The following CALCR variants were observed in gnomAD, a reference collection of about 807,000 sequenced individuals.
The protein encoded by CALCR is calcitonin receptor.
In CALCR, 47 loss-of-function variants were observed where a neutral mutation model predicts 59.5. That is an observed-to-expected ratio of 0.79 (90% CI 0.63 to 1.01). The LOEUF (loss-of-function observed/expected upper bound fraction) is 1.01. CALCR is among the 50% of genes least tolerant of loss of function. CALCR has a pLI of 0.00. For synonymous variants in CALCR, 213 were observed against 211.3 expected, an observed-to-expected ratio of 1.01 and a Z score of -0.07; for missense variants, 566 against 597.1, an observed-to-expected ratio of 0.95 and a Z score of 0.54.
At chr7:93,473,043 G>A (rs1239394361) in intron 5 of CALCR, among the ~76,000 whole-genome samples, 1 of 151,760 alleles carries the variant, frequency 6.6e-6, no homozygotes. Context: ...GATATATCAA[G>A]AGGCCATTTT....
At chr7:93,431,879 C>A (rs951549120) in intron 13 of CALCR, among the ~76,000 whole-genome samples, 2 of 152,166 alleles carry the variant, frequency 1.3e-5, no homozygotes, top group Non-Finnish European at 2.9e-5. Flanking sequence ...TTCTATGCTA[C>A]TTCTTGGAAA....
At chr7:93,498,188 C>T (rs1801250332) in intron 2 of CALCR, among the ~76,000 whole-genome samples, 1 of 151,640 alleles carries the variant, frequency 6.6e-6, no homozygotes, top group Non-Finnish European at 1.5e-5. Flanking sequence ...AATAAGTAGA[C>T]TTTACTTCGA....
At chr7:93,428,441 C>A (rs1318851850) in intron 13 of CALCR, among the ~76,000 whole-genome samples, 1 of 152,162 alleles carries the variant, frequency 6.6e-6, no homozygotes, top group Non-Finnish European at 1.5e-5. Context: ...CCATCAAATG[C>A]CCCATTGAGA....
intron 2 of CALCR, among the ~76,000 whole-genome samples, chr7:93,500,593 T>G (rs1187569246): frequency 1.3e-5 from 2 of 152,002 alleles, no homozygotes; most frequent in Non-Finnish European, 2.9e-5. Flanking sequence ...TATCTTTGTA[T>G]GTTTGTGTTT....
chr7:93,558,432 T>C (rs1459773388), intron 2 of CALCR, among the ~76,000 whole-genome samples: 1 of 152,076 alleles, frequency 6.6e-6, no homozygotes, highest in Non-Finnish European at 1.5e-5. Context: ...GAAAAAATAT[T>C]TCCTGGAACT....
At chr7:93,445,075 A>T (rs1799983526) in intron 8 of CALCR, among the ~76,000 whole-genome samples, 1 of 152,106 alleles carries the variant, frequency 6.6e-6, no homozygotes, top group African/African-American at 2.4e-5. Flanking sequence ...GAGAAGGCAG[A>T]TATGGCATTG....
At chr7:93,514,369 G>A (rs758793869) in intron 2 of CALCR, among the ~76,000 whole-genome samples, 26 of 151,922 alleles carry the variant, frequency 1.7e-4, no homozygotes, top group Admixed American at 8.5e-4. Context: ...TAATACTTTT[G>A]TAAAGGGCTA....
At chr7:93,565,795 G>T (rs1024581193) in intron 2 of CALCR, among the ~76,000 whole-genome samples, 1 of 152,168 alleles carries the variant, frequency 6.6e-6, no homozygotes, top group East Asian at 1.9e-4. Flanking sequence ...AATCTTGGGC[G>T]AAAGAAATTC....
chr7:93,522,681 A>G (rs1013845605), intron 2 of CALCR, among the ~76,000 whole-genome samples: 3 of 152,224 alleles, frequency 2.0e-5, no homozygotes, highest in African/African-American at 7.2e-5. Flanking sequence ...GCAAGATCAC[A>G]AAGCCAGTTC....
chr7:93,526,943 T>C (rs1481952023), intron 2 of CALCR, among the ~76,000 whole-genome samples: 1 of 152,062 alleles, frequency 6.6e-6, no homozygotes, highest in African/African-American at 2.4e-5. Flanking sequence ...TAACATAATA[T>C]AAAGTGAACC....
intron 2 of CALCR, among the ~76,000 whole-genome samples, chr7:93,520,611 C>T (rs1224158869): frequency 6.6e-6 from 1 of 151,976 alleles, no homozygotes; most frequent in Non-Finnish European, 1.5e-5. Flanking sequence ...GTAATAATTC[C>T]ATGTACAGCT....
At chr7:93,516,047 G>C (rs1163956534) in intron 2 of CALCR, among the ~76,000 whole-genome samples, 2 of 151,838 alleles carry the variant, frequency 1.3e-5, no homozygotes, top group African/African-American at 2.4e-5. Context: ...AAAATAATGT[G>C]TGTGCATAAT....
chr7:93,549,132 C>T (rs1387644768), intron 2 of CALCR, among the ~76,000 whole-genome samples: 1 of 152,050 alleles, frequency 6.6e-6, no homozygotes, highest in Non-Finnish European at 1.5e-5. Flanking sequence ...TGAAGGATGT[C>T]TAGTTGATCA....
At chr7:93,436,453 G>A (rs189286885) in intron 11 of CALCR, among the ~76,000 whole-genome samples, 19 of 152,252 alleles carry the variant, frequency 1.2e-4, no homozygotes, top group Non-Finnish European at 2.1e-4. Context: ...TTTCTATGGC[G>A]GGGGTGGTGG....
intron 2 of CALCR, among the ~76,000 whole-genome samples, chr7:93,492,188 T>G (rs543117306): frequency 2.6e-4 from 40 of 151,618 alleles, no homozygotes; most frequent in African/African-American, 9.7e-4. Context: ...AAGTGGGAGT[T>G]GAACAATGAG....
intron 2 of CALCR, among the ~76,000 whole-genome samples, chr7:93,499,536 G>T (rs552069383): frequency 6.6e-6 from 1 of 151,968 alleles, no homozygotes; most frequent in South Asian, 2.1e-4. Flanking sequence ...TTTCCTGAAT[G>T]AAAAGTATGT....
chr7:93,429,054 A>G (rs1033009708), intron 13 of CALCR, among the ~76,000 whole-genome samples: 1 of 152,192 alleles, frequency 6.6e-6, no homozygotes, highest in African/African-American at 2.4e-5. Context: ...TTTGATTTCT[A>G]TTTTAATTTT....
At chr7:93,529,158 G>A (rs1172710354) in intron 2 of CALCR, among the ~76,000 whole-genome samples, 1 of 152,156 alleles carries the variant, frequency 6.6e-6, no homozygotes, top group Non-Finnish European at 1.5e-5. Context: ...CTGAAGGTGG[G>A]GCCTAGTGGG....
At position 93,472,496 on chromosome 7, in the gene CALCR, G is replaced by T. The variant is rs750466005; in HGVS notation, c.317-9C>A. ...GTATTTTGTAACCTTTTCTGTTAAT[G>T]AAACATAACAGTTATTGCATTAATA... is the stretch of plus-strand genomic sequence containing the variant. On this transcript the variant is annotated splice_polypyrimidine_tract_variant and intron_variant, in intron 5 of 13. Transcript: ENST00000426151. 2.8e-5 allele frequency: 40 copies of T among 1,441,306 alleles called. No homozygotes were observed. Among genetic ancestry groups the T allele is most frequent in the Non-Finnish European group, 2.2e-5 (23 of 1,026,350 alleles). 89.3% of individuals were successfully genotyped at this position (1,441,306 alleles called of 1,614,324 possible). A position where few individuals can be genotyped will look rare whatever the true frequency, so the allele number is the denominator to read the frequency against.
Sources: gnomAD v4.1 joint callset for allele counts (sites outside exome capture counted in the v4.1 genomes callset) on GRCh38, gnomAD v4.1.1 for gene constraint, MANE v1.5 for transcripts, NCBI Gene and HGNC (gene_info 2026-07-23, HGNC 2026-07-21) for gene names.